Variants in THRB observed in about 807,000 individuals in gnomAD.
The protein encoded by THRB is thyroid hormone receptor beta.
THRB carries 12 observed loss-of-function variants against 47.8 expected under a neutral mutation model. The observed-to-expected ratio is 0.25, with a 90% CI of 0.16 to 0.41. The LOEUF (loss-of-function observed/expected upper bound fraction) is 0.41. THRB is among the 10% of genes least tolerant of loss of function. THRB has a pLI of 1.00. For missense variants in THRB, 348 were observed against 589.2 expected (o/e 0.59, Z 4.24); for synonymous variants, 218 against 212.2 (o/e 1.03, Z -0.24).
intron 1 of THRB, among the ~76,000 whole-genome samples, chr3:24,397,074 A>G (rs2067019537): frequency 1.3e-5 from 2 of 152,146 alleles, no homozygotes; most frequent in African/African-American, 4.8e-5. Context: ...AAACAATTAG[A>G]ACTCAGCATA....
chr3:24,447,942 C>T (rs1022565195), intron 1 of THRB, among the ~76,000 whole-genome samples: 1 of 152,058 alleles, frequency 6.6e-6, no homozygotes, highest in East Asian at 2.0e-4. Flanking sequence ...CTAGTCATCA[C>T]GACCACTTCA....
At chr3:24,302,742 G>A (rs2057039814) in intron 2 of THRB, among the ~76,000 whole-genome samples, 2 of 152,144 alleles carry the variant, frequency 1.3e-5, no homozygotes, top group African/African-American at 4.8e-5. Flanking sequence ...CATAGCACTT[G>A]CCACCATCTG....
At chr3:24,328,791 A>G (rs2149357371) in intron 2 of THRB, among the ~76,000 whole-genome samples, 1 of 151,904 alleles carries the variant, frequency 6.6e-6, no homozygotes, top group South Asian at 2.1e-4. Context: ...GCCCTATAGA[A>G]CTCTTTCTAA....
At chr3:24,376,360 G>A (rs1294995435) in intron 1 of THRB, among the ~76,000 whole-genome samples, 1 of 152,162 alleles carries the variant, frequency 6.6e-6, no homozygotes, top group African/African-American at 2.4e-5. Flanking sequence ...GAGCAGCTGG[G>A]TGAAGAAAAC....
At chr3:24,354,046 T>C (rs1465628191) in intron 1 of THRB, among the ~76,000 whole-genome samples, 1 of 152,190 alleles carries the variant, frequency 6.6e-6, no homozygotes, top group Non-Finnish European at 1.5e-5. Flanking sequence ...AGTCTATCAC[T>C]GATGGACATT....
chr3:24,243,795 C>T (rs537496152), intron 3 of THRB, among the ~76,000 whole-genome samples: 1 of 152,076 alleles, frequency 6.6e-6, no homozygotes, highest in Non-Finnish European at 1.5e-5. Flanking sequence ...ATTCTGTTCA[C>T]TGATGACCCC....
chr3:24,424,643 T>C (rs2069582355), intron 1 of THRB, among the ~76,000 whole-genome samples: 1 of 151,978 alleles, frequency 6.6e-6, no homozygotes, highest in Admixed American at 6.6e-5. Context: ...TGTTCCTCAA[T>C]ATCTACATAA....
intron 1 of THRB, among the ~76,000 whole-genome samples, chr3:24,432,557 C>T (rs1455566764): frequency 6.6e-6 from 1 of 152,072 alleles, no homozygotes; most frequent in Non-Finnish European, 1.5e-5. Context: ...AAATAAAGAG[C>T]TTCCAGGGAA....
At chr3:24,447,683 G>A (rs2072233269) in intron 1 of THRB, among the ~76,000 whole-genome samples, 2 of 152,040 alleles carry the variant, frequency 1.3e-5, no homozygotes, top group African/African-American at 4.8e-5. Context: ...AGTCCTGGAG[G>A]GGAAGGGGTG....
intron 1 of THRB, chr3:24,458,072 G>C (rs919888074): frequency 6.6e-6 from 1 of 152,146 alleles, no homozygotes; most frequent in Admixed American, 6.6e-5. Flanking sequence ...AAGTCTATGG[G>C]GCTGGCCTAG....
chr3:24,407,368 A>G (rs2067910367), intron 1 of THRB, among the ~76,000 whole-genome samples: 1 of 151,504 alleles, frequency 6.6e-6, no homozygotes, highest in Admixed American at 6.6e-5. Flanking sequence ...GGTAAGAAAT[A>G]TCACCCATAT....
chr3:24,301,809 G>C (rs575111903), intron 2 of THRB, among the ~76,000 whole-genome samples: 1 of 152,222 alleles, frequency 6.6e-6, no homozygotes, highest in Admixed American at 6.5e-5. Flanking sequence ...TATTATTCTG[G>C]ATTATCCAGG....
intron 1 of THRB, among the ~76,000 whole-genome samples, chr3:24,482,711 C>T (rs762658237): frequency 1.3e-5 from 2 of 152,088 alleles, no homozygotes; most frequent in Non-Finnish European, 2.9e-5. Flanking sequence ...TAATTGGAGC[C>T]CACTGCTGTG....
intron 3 of THRB, among the ~76,000 whole-genome samples, chr3:24,295,391 C>G (rs2056359314): frequency 6.6e-6 from 1 of 152,142 alleles, no homozygotes; most frequent in African/African-American, 2.4e-5. Flanking sequence ...TAAATAGGCA[C>G]AAATGTGTGC....
intron 1 of THRB, among the ~76,000 whole-genome samples, chr3:24,463,659 G>A (rs2073891344): frequency 6.6e-6 from 1 of 152,154 alleles, no homozygotes; most frequent in South Asian, 2.1e-4. Context: ...AATAAAATAT[G>A]CTGCTTGGGG....
intron 1 of THRB, among the ~76,000 whole-genome samples, chr3:24,385,310 A>G (rs1275960684): frequency 2.0e-5 from 3 of 152,102 alleles, no homozygotes; most frequent in Non-Finnish European, 4.4e-5. Flanking sequence ...GAAAATTTTT[A>G]TAACAGAAAT....
chr3:24,334,113 C>A (rs2062091144), intron 2 of THRB, among the ~76,000 whole-genome samples: 1 of 152,136 alleles, frequency 6.6e-6, no homozygotes, highest in African/African-American at 2.4e-5. Context: ...TAACAAAATT[C>A]AAATGAAGTT....
At chr3:24,221,409 AAGTT>A (rs1018552383) in intron 4 of THRB, among the ~76,000 whole-genome samples, 11 of 152,174 alleles carry the variant, frequency 7.2e-5, no homozygotes, top group Admixed American at 2.6e-4. Context: ...GTTAGGAAAA[AAGTT>A]AGGTAGAGAT....
intron 4 of THRB, among the ~76,000 whole-genome samples, chr3:24,207,545 T>C (rs2045525726): frequency 4.6e-5 from 7 of 152,152 alleles, no homozygotes. Context: ...GACATCATCA[T>C]CTTGTCTCCT....
Sources: allele counts gnomAD v4.1 joint callset (sites outside exome capture counted in the v4.1 genomes callset), GRCh38; gene constraint gnomAD v4.1.1; transcripts MANE v1.5; gene names NCBI Gene and HGNC (gene_info 2026-07-23, HGNC 2026-07-21).